The following C8B variants were observed in gnomAD, a reference collection of about 807,000 sequenced individuals.
The protein encoded by C8B is complement C8 beta chain.
A neutral mutation model predicts 64.6 loss-of-function variants in C8B; 67 were observed. The ratio of observed to expected loss-of-function variants is 1.04; its 90% confidence interval spans 0.85 to 1.27. The LOEUF (loss-of-function observed/expected upper bound fraction) is 1.27. Among genes scored for constraint, C8B ranks in the 50% most tolerant of loss-of-function variants. The pLI, the probability that C8B is intolerant of heterozygous loss-of-function variation, is 0.00. For synonymous variants in C8B, 284 were observed against 257.7 expected (o/e 1.10, Z -0.98); for missense variants, 790 against 725.2 (o/e 1.09, Z -1.03).
At chr1:56,963,519 G>A (rs1645207837) in intron 1 of C8B, among the ~76,000 whole-genome samples, 1 of 150,206 alleles carries the variant, frequency 6.7e-6, no homozygotes, top group Non-Finnish European at 1.5e-5. Context: ...CAACAAATGT[G>A]TGGCCCAGAG....
rs760717807 is a variant in C8B at position 56,954,662 on chromosome 1, C to T, written c.533+24G>A. 23 of 1,613,618 alleles carry T rather than the reference C, an allele frequency of 1.4e-5. No homozygotes were observed. In the East Asian group the frequency reaches 2.0e-4, roughly 14 times the overall value. On this transcript the variant is annotated intron_variant, in intron 4 of 11. Coordinates refer to ENST00000371237, the MANE Select transcript of C8B (RefSeq NM_000066.4). ...ATTTAATGCTGTGCCTTCCCATCTA[C>T]GCCACAGAAAAATGGTCACTTACCC...
chr1:56,957,503 G>T (rs1253566951), intron 2 of C8B, among the ~76,000 whole-genome samples: 1 of 152,146 alleles, frequency 6.6e-6, no homozygotes, highest in Non-Finnish European at 1.5e-5. Context: ...TTATCTAAAT[G>T]TTCAGTTATG....
intron 6 of C8B, among the ~76,000 whole-genome samples, chr1:56,948,813 C>A (rs1644979575): frequency 6.6e-6 from 1 of 152,110 alleles, no homozygotes; most frequent in African/African-American, 2.4e-5. Flanking sequence ...GGGTAACATT[C>A]CAGAGAGGAA....
chr1:56,945,828 C>T lies in C8B; in HGVS notation c.1098G>A (p.Glu366=). 2 of 1,614,148 alleles carry T rather than the reference C, an allele frequency of 1.2e-6. No homozygotes were observed. Among genetic ancestry groups the T allele is most frequent in the Middle Eastern group, 1.7e-4 (1 of 6,054 alleles). ...GTCCCTTGGGCAGTATACCTCCTCT[C>T]TCCATGGCCTCTTTGTTCATAACGA... ...YTLVMNKEAM[E]RGDYTLNNVH... The change falls in exon 7 of 12, where the codon GAG becomes GAA. Residue 366 remains glutamate (E), a synonymous_variant. Coordinates refer to ENST00000371237, the MANE Select transcript of C8B (RefSeq NM_000066.4).
In C8B at chr1:56,940,975, C is replaced by G. The variant is rs779490272; in HGVS notation, c.1272G>C (p.Val424=). The G allele has an allele frequency of 6.2e-6, 10 of 1,614,116 alleles. No individual in the cohort carries two copies. The highest frequency in any genetic ancestry group is 8.5e-6 in the Non-Finnish European group (10 of 1,180,010). The change falls in exon 9 of 12, where the codon GTG becomes GTC. Residue 424 remains valine, a synonymous_variant. Coordinates refer to ENST00000371237, the MANE Select transcript of C8B (RefSeq NM_000066.4). ...CACTTGCCCCTCCTCGTACCAGGAC[C>G]ACCAAGTCCTCCACCATGGTGTCCC... ...NKRDTMVEDL[V]VLVRGGASEH...
rs753938270 is a variant in C8B at position 56,940,946 on chromosome 1, T to G, written c.1301A>C (p.His434Pro). 8 of 1,614,134 alleles carry G rather than the reference T, an allele frequency of 5.0e-6. No homozygotes were observed. The South Asian group carries it at 8.8e-5, about 18-fold the overall frequency. The change falls in exon 9 of 12, where the codon CAC becomes CCC. Residue 434 changes from histidine to proline, a missense_variant. Physicochemically the swap from His to Pro is moderately conservative, Grantham distance 77. Transcript: ENST00000371237. ...VVLVRGGASE[H>P]ITTLAYQELP... ...CTCCTGGTATGCCAGGGTGGTGATG[T>G]GCTCACTTGCCCCTCCTCGTACCAG...
At chr1:56,950,856 G>A (rs78165833) in intron 5 of C8B, among the ~76,000 whole-genome samples, 4,418 of 152,256 alleles carry the variant, frequency 0.029, 198 homozygotes, top group African/African-American at 0.1. Context: ...TATGGAGAGC[G>A]GAGAGTTTAC....
intron 1 of C8B, among the ~76,000 whole-genome samples, chr1:56,961,703 G>A (rs1295533222): frequency 1.3e-5 from 2 of 152,062 alleles, no homozygotes; most frequent in African/African-American, 2.4e-5. Flanking sequence ...TGTCACTCCC[G>A]ACAAGGTCAT....
At chr1:56,948,143 G>A (rs910048223) in intron 6 of C8B, among the ~76,000 whole-genome samples, 1 of 152,146 alleles carries the variant, frequency 6.6e-6, no homozygotes, top group African/African-American at 2.4e-5. Flanking sequence ...CTGGAAGGGA[G>A]AGAAGGAGAG....
chr1:56,955,815 C>G (rs1183698083), intron 3 of C8B, among the ~76,000 whole-genome samples: 2 of 152,208 alleles, frequency 1.3e-5, no homozygotes, highest in Non-Finnish European at 2.9e-5. Flanking sequence ...CATGCACAGT[C>G]CACATGGGTA....
chr1:56,930,264 A>G (rs1302888579), intron 11 of C8B, among the ~76,000 whole-genome samples: 2 of 152,210 alleles, frequency 1.3e-5, no homozygotes. Context: ...AGTGCTTTCC[A>G]CACCCTGACA....
chr1:56,962,605 A>C (rs1232571118), intron 1 of C8B, among the ~76,000 whole-genome samples: 1 of 152,216 alleles, frequency 6.6e-6, no homozygotes, highest in East Asian at 1.9e-4. Context: ...AGAGAAGTAC[A>C]AGAAATAATA....
chr1:56,938,947 G>T (rs1048997014), intron 9 of C8B, among the ~76,000 whole-genome samples: 1 of 152,088 alleles, frequency 6.6e-6, no homozygotes, highest in African/African-American at 2.4e-5. Flanking sequence ...CCAACTCAGG[G>T]TGGGAAGGTA....
rs1302254387 is a variant in C8B, at chr1:56,929,286, T to C, written c.*118A>G. ...ACATCTTTATTTTAAACAGCTTGCA[T>C]GGCACTGCCTTTTGCCCTTGCATGA... On this transcript the variant is annotated 3_prime_UTR_variant, in exon 12 of 12. Coordinates refer to ENST00000371237, the MANE Select transcript of C8B (RefSeq NM_000066.4). The C allele has an allele frequency of 8.0e-6, 8 of 997,272 alleles. No individual in the cohort carries two copies. The highest frequency in any genetic ancestry group is 1.3e-5 in the Non-Finnish European group (8 of 621,118). 61.8% of individuals were successfully genotyped at this position (997,272 alleles called of 1,614,324 possible).
chr1:56,940,502 G>A (rs1644836007), intron 9 of C8B, among the ~76,000 whole-genome samples: 1 of 152,000 alleles, frequency 6.6e-6, no homozygotes, highest in Non-Finnish European at 1.5e-5. Context: ...CCCAGGAGTT[G>A]GAGGCTGCAA....
intron 1 of C8B, among the ~76,000 whole-genome samples, chr1:56,960,986 T>C (rs1557744592): frequency 6.6e-6 from 1 of 151,880 alleles, no homozygotes; most frequent in South Asian, 2.1e-4. Flanking sequence ...TGGAAAGCTA[T>C]GGAAGAGGAG....
chr1:56,959,581 C>A, intron 2 of C8B: 3 of 1,535,410 alleles, frequency 2.0e-6, no homozygotes, highest in Non-Finnish European at 2.6e-6. Context: ...CAGAGTCATA[C>A]AAGTGTCCAT....
chr1:56,948,288 G>C (rs1278100203), intron 6 of C8B, among the ~76,000 whole-genome samples: 11 of 152,202 alleles, frequency 7.2e-5, no homozygotes, highest in Non-Finnish European at 1.6e-4. Context: ...AGAGATGAAA[G>C]AACATGGATT....
intron 9 of C8B, among the ~76,000 whole-genome samples, chr1:56,940,538 C>A (rs6703039): frequency 0.026 from 3,904 of 151,866 alleles, 188 homozygotes; most frequent in African/African-American, 0.089. Flanking sequence ...CCACTGAACC[C>A]TAACCTGGGT....
Sources: gnomAD v4.1 joint callset for allele counts (sites outside exome capture counted in the v4.1 genomes callset) on GRCh38, gnomAD v4.1.1 for gene constraint, MANE v1.5 for transcripts, NCBI Gene and HGNC (gene_info 2026-07-23, HGNC 2026-07-21) for gene names.